The following TAOK1 variants were observed in gnomAD, a reference collection of about 807,000 sequenced individuals.
TAOK1 encodes the protein TAO kinase 1, also known as serine/threonine-protein kinase TAO1.
In TAOK1, 21 loss-of-function variants were observed where a neutral mutation model predicts 138.3. The ratio of observed to expected loss-of-function variants is 0.15; its 90% confidence interval spans 0.11 to 0.22. The LOEUF is 0.22. Among genes scored for constraint, TAOK1 ranks in the 10% least tolerant of loss-of-function variants. The probability of loss-of-function intolerance (pLI) is 1.00; values close to 1 mark genes in which losing one functional copy is unlikely to be tolerated. For synonymous variants in TAOK1, 361 were observed against 398.4 expected, an observed-to-expected ratio of 0.91 and a Z score of 1.12; for missense variants, 651 against 1,227.7, an observed-to-expected ratio of 0.53 and a Z score of 7.02.
chr17:29,444,682 A>C (rs777881416), intron 1 of TAOK1, among the ~76,000 whole-genome samples: 4 of 152,210 alleles, frequency 2.6e-5, no homozygotes, highest in Non-Finnish European at 5.9e-5. Flanking sequence ...CAGTTTGTTG[A>C]TATCTACAGA....
At chr17:29,520,451 TTGCC>T (rs1346300068) in intron 16 of TAOK1, among the ~76,000 whole-genome samples, 1 of 151,424 alleles carries the variant, frequency 6.6e-6, no homozygotes, top group African/African-American at 2.4e-5. Flanking sequence ...TGAGACTCTA[TTGCC>T]CAGGCTGGAA....
chr17:29,519,346 A>G (rs1030111866), intron 16 of TAOK1, among the ~76,000 whole-genome samples: 1 of 151,886 alleles, frequency 6.6e-6, no homozygotes, highest in African/African-American at 2.4e-5. Context: ...CCCCATCTCT[A>G]CTTTTAGTAG....
chr17:29,397,599 T>TCC (rs369574423), intron 1 of TAOK1, among the ~76,000 whole-genome samples: 3,171 of 57,386 alleles, frequency 0.055, 342 homozygotes, highest in African/African-American at 0.16. Flanking sequence ...TGAGATTCCG[T>TCC]CCCCCCCCAA....
chr17:29,428,071 C>T (rs1905703338), intron 1 of TAOK1, among the ~76,000 whole-genome samples: 1 of 152,116 alleles, frequency 6.6e-6, no homozygotes. Flanking sequence ...GGATGCCACC[C>T]AAATGAATAA....
At chr17:29,493,539 C>G (rs531971286) in intron 10 of TAOK1, among the ~76,000 whole-genome samples, 1 of 151,612 alleles carries the variant, frequency 6.6e-6, no homozygotes, top group East Asian at 1.9e-4. Flanking sequence ...TTACATTTGC[C>G]AAATAGAAGC....
intron 1 of TAOK1, among the ~76,000 whole-genome samples, chr17:29,391,364 C>T (rs1422217847): frequency 6.6e-6 from 1 of 152,108 alleles, no homozygotes; most frequent in Non-Finnish European, 1.5e-5. Flanking sequence ...CTTTGCTCCT[C>T]TTCTCCTTTG....
chr17:29,535,875 TA>T (rs1018552925), intron 19 of TAOK1, among the ~76,000 whole-genome samples: 1 of 151,552 alleles, frequency 6.6e-6, no homozygotes, highest in African/African-American at 2.4e-5. Flanking sequence ...AAAAAATCTT[TA>T]AAAAAATCAC....
intron 3 of TAOK1, among the ~76,000 whole-genome samples, chr17:29,470,141 A>G (rs2030779154): frequency 6.6e-6 from 1 of 152,190 alleles, no homozygotes; most frequent in Admixed American, 6.6e-5. Flanking sequence ...AATCTGTGGA[A>G]TTTCTGGGTA....
intron 1 of TAOK1, chr17:29,403,979 C>T (rs1303416890): frequency 6.6e-6 from 1 of 152,042 alleles, no homozygotes; most frequent in African/African-American, 2.4e-5. Context: ...TTATCTTCAG[C>T]TTAGGTAGTG....
At position 29,542,711 on chromosome 17, in the gene TAOK1, G is replaced by C. The variant is rs1040366243; in HGVS notation, c.2695G>C (p.Ala899Pro). Residue 899 changes from alanine to proline, a missense_variant, in exon 20 of 20, where the codon GCA (alanine) becomes CCA (proline). Physicochemically the swap from Ala to Pro is conservative, Grantham distance 27. This residue lies in a region of TAOK1 where 258 missense variants were observed against 548.9 expected (regional missense o/e 0.47). Transcript: ENST00000261716. ...NMVLSNLSPE[A>P]FSHSYPGASG... ...GGTCCTTTCTAATCTCTCCCCTGAG[G>C]CATTCAGCCACAGCTACCCGGGAGC... is the stretch of plus-strand genomic sequence containing the variant. 1.2e-6 allele frequency: 2 copies of C among 1,614,092 alleles called. No individual in the cohort carries two copies. The highest frequency in any genetic ancestry group is 2.7e-5 in the African/African-American group (2 of 74,930).
intron 19 of TAOK1, among the ~76,000 whole-genome samples, chr17:29,534,928 G>GGTGTGTGTGTGTGT (rs71138832): frequency 1.5e-4 from 22 of 147,222 alleles, no homozygotes; most frequent in African/African-American, 5.3e-4. Flanking sequence ...AGGATACTAA[G>GGTGTGTGTGTGTGT]GTGTGTGTGT....
intron 1 of TAOK1, among the ~76,000 whole-genome samples, chr17:29,414,302 G>A (rs906821940): frequency 6.6e-6 from 1 of 151,872 alleles, no homozygotes; most frequent in African/African-American, 2.4e-5. Context: ...AGGCTGGAGT[G>A]CAAGTGGCAT....
At chr17:29,461,791 T>C (rs2030538121) in intron 2 of TAOK1, among the ~76,000 whole-genome samples, 1 of 151,766 alleles carries the variant, frequency 6.6e-6, no homozygotes. Flanking sequence ...GCCAGGAAAC[T>C]CTCCAATTCA....
chr17:29,394,150 GTTTTTTTTTTTTTTTTTT>G (rs58117433), intron 1 of TAOK1, among the ~76,000 whole-genome samples: 9 of 48,282 alleles, frequency 1.9e-4, no homozygotes, highest in South Asian at 1.1e-3. Flanking sequence ...TAATTTGCCA[GTTTTTTTTTTTTTTTTTT>G]TTTTTTTTTT....
chr17:29,502,217 T>C (rs1323418509), intron 12 of TAOK1, among the ~76,000 whole-genome samples: 1 of 152,166 alleles, frequency 6.6e-6, no homozygotes, highest in Non-Finnish European at 1.5e-5. Context: ...GAGGATTGCT[T>C]GAGCCCAGGA....
At chr17:29,465,072 C>T (rs1184993973) in intron 2 of TAOK1, among the ~76,000 whole-genome samples, 5 of 149,414 alleles carry the variant, frequency 3.3e-5, no homozygotes, top group African/African-American at 1.2e-4. Flanking sequence ...CCACCCGCCT[C>T]GGCCTCCCAA....
intron 1 of TAOK1, among the ~76,000 whole-genome samples, chr17:29,425,056 T>A (rs1905590908): frequency 6.6e-6 from 1 of 152,198 alleles, no homozygotes; most frequent in Non-Finnish European, 1.5e-5. Flanking sequence ...CCATTAAATT[T>A]ATTAGTAAAT....
chr17:29,497,207 C>T (rs963697847), intron 11 of TAOK1, among the ~76,000 whole-genome samples: 2 of 151,898 alleles, frequency 1.3e-5, no homozygotes, highest in South Asian at 2.1e-4. Context: ...AGAGAGACCA[C>T]TTTGTATTCT....
intron 12 of TAOK1, among the ~76,000 whole-genome samples, chr17:29,501,283 G>A (rs575395145): frequency 1.3e-5 from 2 of 151,084 alleles, no homozygotes; most frequent in African/African-American, 4.9e-5. Context: ...ATATGCCTGT[G>A]GCCCCATCTA....
Sources: gnomAD v4.1 joint callset for allele counts (sites outside exome capture counted in the v4.1 genomes callset) on GRCh38, gnomAD v4.1.1 for gene constraint, gnomAD v4.1.1 regional missense constraint, MANE v1.5 for transcripts, NCBI Gene and HGNC (gene_info 2026-07-23, HGNC 2026-07-21) for gene names.